Variants in CLINT1 observed in about 807,000 individuals in gnomAD.
The protein encoded by CLINT1 is clathrin interacting protein localized in the trans-Golgi region.
Under a neutral mutation model 70.4 loss-of-function variants are expected in CLINT1, and 15 were observed. The observed-to-expected ratio is 0.21, with a 90% CI of 0.14 to 0.33. CLINT1 has a LOEUF of 0.33. Among genes scored for constraint, CLINT1 ranks in the 10% least tolerant of loss-of-function variants. The pLI is 1.00. For synonymous variants in CLINT1, 227 were observed against 254.7 expected, an observed-to-expected ratio of 0.89 and a Z score of 1.04; for missense variants, 615 against 778.1, an observed-to-expected ratio of 0.79 and a Z score of 2.49.
At chr5:157,822,926 A>AT (rs1372403396) in intron 1 of CLINT1, among the ~76,000 whole-genome samples, 2 of 152,224 alleles carry the variant, frequency 1.3e-5, no homozygotes, top group Non-Finnish European at 2.9e-5. Context: ...AAGTATAGGT[A>AT]TAATGTGGTA....
chr5:157,823,770 A>T, intron 1 of CLINT1: 1 of 839,036 alleles, frequency 1.2e-6, no homozygotes, highest in Non-Finnish European at 1.4e-6. Flanking sequence ...GAATAGGGGT[A>T]CCCAACCCCC....
chr5:157,789,491 G>A lies in CLINT1; in HGVS notation c.1403C>T (p.Ser468Leu). 6.2e-7 allele frequency: 1 copy of A among 1,613,960 alleles called. No individual in the cohort carries two copies. Among genetic ancestry groups the A allele is most frequent in the Non-Finnish European group, 8.5e-7 (1 of 1,179,864 alleles). ...RSQNTDMVQKSVSKTLPSTWS... is the reference protein window; with the variant it reads ...RSQNTDMVQKLVSKTLPSTWS... ...AGTAGAGGGCAAGGTTTTGCTGACT[G>A]ATTTCTGGACCATATCTGTATTCTG... The change falls in exon 11 of 12, where the codon TCA (serine) becomes TTA (leucine). Residue 468 changes from serine (S) to leucine (L), a missense_variant. Ser to Leu is a moderately radical substitution (Grantham distance 145). Around this residue, in one of 2 missense-constraint regions of CLINT1, gnomAD observed 374 missense variants for 409.6 expected, o/e 0.91. Transcript: ENST00000411809.
chr5:157,832,712 ACAGTACCATC>A, intron 1 of CLINT1, among the ~76,000 whole-genome samples: 1 of 152,288 alleles, frequency 6.6e-6, no homozygotes, highest in Admixed American at 6.5e-5. Flanking sequence ...GTATCAGTGG[ACAGTACCATC>A]CAAGGTTATG....
At chr5:157,856,630 T>TG (rs1408222181) in intron 1 of CLINT1, among the ~76,000 whole-genome samples, 2 of 152,200 alleles carry the variant, frequency 1.3e-5, no homozygotes, top group Non-Finnish European at 2.9e-5. Context: ...TGCTTACATT[T>TG]GGGGGGAAGA....
At chr5:157,833,899 G>A (rs1240691501) in intron 1 of CLINT1, among the ~76,000 whole-genome samples, 1 of 152,058 alleles carries the variant, frequency 6.6e-6, no homozygotes, top group South Asian at 2.1e-4. Context: ...CCGTGATCGT[G>A]CCACTGCACT....
intron 1 of CLINT1, among the ~76,000 whole-genome samples, chr5:157,835,352 TC>T (rs1270481861): frequency 6.6e-6 from 1 of 152,096 alleles, no homozygotes; most frequent in Non-Finnish European, 1.5e-5. Flanking sequence ...AAAAAAGATG[TC>T]TTTAAATAAA....
chr5:157,795,680 G>A lies in CLINT1; in HGVS notation c.1013-708C>T, dbSNP rs543537493. ...AGAAAGAAAATGGGGCAAATTTTCC[G>A]TATGCTTGTAATTTTTAAAAATAAA... On this transcript the variant is annotated intron_variant, in intron 8 of 11. Transcript: ENST00000411809. 11 of 152,138 alleles carry A rather than the reference G, an allele frequency of 7.2e-5. No individual in the cohort carries two copies. The South Asian group carries it at 1.2e-3, about 17-fold the overall frequency. The allele number at this position is 152,138 out of a possible 1,614,324, so 9.4% of individuals were successfully genotyped here.
intron 1 of CLINT1, among the ~76,000 whole-genome samples, chr5:157,821,125 T>C (rs1192301839): frequency 6.6e-6 from 1 of 152,208 alleles, no homozygotes; most frequent in African/African-American, 2.4e-5. Flanking sequence ...AGGCTCAAAG[T>C]CTTTGGATAC....
At chr5:157,791,484 G>C (rs917293087) in intron 10 of CLINT1, 8 of 534,090 alleles carry the variant, frequency 1.5e-5, no homozygotes, top group Admixed American at 3.5e-5. Context: ...CTACAAGATG[G>C]GGGAGAAGGT....
intron 1 of CLINT1, among the ~76,000 whole-genome samples, chr5:157,844,704 T>C (rs894165170): frequency 2.6e-5 from 4 of 152,204 alleles, no homozygotes; most frequent in African/African-American, 9.7e-5. Flanking sequence ...ATAAATCCTA[T>C]TCATATGACA....
rs150272166 is a variant in CLINT1, at chr5:157,824,557, A to G, written c.42-7010T>C. Among the ~76,000 whole-genome samples, 243 of 152,338 alleles carry G rather than the reference A, an allele frequency of 1.6e-3. 2 individuals are homozygous for G. The highest frequency in any genetic ancestry group is 5.5e-3 in the African/African-American group (228 of 41,592). On this transcript the variant is annotated intron_variant, in intron 1 of 11. Coordinates refer to ENST00000411809, the MANE Select transcript of CLINT1 (RefSeq NM_014666.4). ...AATACAATGCAATGAAAAAGTCTTA[A>G]CACAAGCGACAACATAGCGCAGTAG...
chr5:157,830,794 C>CTATATATATATA (rs1190577088), intron 1 of CLINT1, among the ~76,000 whole-genome samples: 1 of 106,688 alleles, frequency 9.4e-6, no homozygotes, highest in African/African-American at 4.0e-5. Context: ...CTCTCTCTCT[C>CTATATATATATA]TCTATATATA....
chr5:157,791,305 AC>A (rs1237270813), intron 10 of CLINT1, among the ~76,000 whole-genome samples: 35 of 152,064 alleles, frequency 2.3e-4, no homozygotes, highest in Non-Finnish European at 1.2e-4. Context: ...TGATCCACCC[AC>A]CTCAGCCTCC....
At position 157,846,277 on chromosome 5, in the gene CLINT1, AT is replaced by A. The variant is rs542426513; in HGVS notation, c.41+12652del. On this transcript the variant is annotated intron_variant, in intron 1 of 11. Transcript: ENST00000411809. ...TGCAAAGGAAATGTTCTTGAAGGAA[AT>A]TTAAAGTGCTAGTCTAGTGAACACA... 2.1e-3 allele frequency among the ~76,000 whole-genome samples: 321 copies of A among 152,358 alleles called. 2 individuals are homozygous for A. The highest frequency in any genetic ancestry group is 2.9e-3 in the Non-Finnish European group (196 of 68,026).
intron 1 of CLINT1, among the ~76,000 whole-genome samples, chr5:157,826,890 T>C (rs1763056956): frequency 6.6e-6 from 1 of 152,184 alleles, no homozygotes; most frequent in Non-Finnish European, 1.5e-5. Context: ...ATAAATAGTC[T>C]TTATCTAAAA....
chr5:157,805,032 C>T (rs1762345708), intron 7 of CLINT1, among the ~76,000 whole-genome samples: 1 of 152,038 alleles, frequency 6.6e-6, no homozygotes, highest in African/African-American at 2.4e-5. Context: ...ATTTAAAATC[C>T]TTTAAGATAT....
chr5:157,800,785 C>T (rs1762188501), intron 8 of CLINT1, among the ~76,000 whole-genome samples: 1 of 152,056 alleles, frequency 6.6e-6, no homozygotes, highest in South Asian at 2.1e-4. Flanking sequence ...GAAGACAAAC[C>T]ACTCAAAGGT....
Position 157,814,917 on chromosome 5 carries a change from C to A in CLINT1, c.244-624G>T, listed in dbSNP as rs530072234. 6.6e-5 allele frequency among the ~76,000 whole-genome samples: 10 copies of A among 151,622 alleles called. No homozygotes were observed. The South Asian group carries it at 2.1e-3, about 32-fold the overall frequency. ...GCATGGTGGCCCACGCCTGTAATCT[C>A]AGCTACTGAGGTGGCTGAAGCACAA... is the stretch of plus-strand genomic sequence containing the variant. On this transcript the variant is annotated intron_variant, in intron 3 of 11. Coordinates refer to ENST00000411809, the MANE Select transcript of CLINT1 (RefSeq NM_014666.4).
chr5:157,858,651 G>A (rs1753831716), intron 1 of CLINT1, among the ~76,000 whole-genome samples: 1 of 152,208 alleles, frequency 6.6e-6, no homozygotes, highest in African/African-American at 2.4e-5. Flanking sequence ...TGACCAAAGC[G>A]TCGGCACCCA....
Sources: gnomAD v4.1 joint callset for allele counts (sites outside exome capture counted in the v4.1 genomes callset) on GRCh38, gnomAD v4.1.1 for gene constraint, gnomAD v4.1.1 regional missense constraint, MANE v1.5 for transcripts, NCBI Gene and HGNC (gene_info 2026-07-23, HGNC 2026-07-21) for gene names.